UGT1A10: variants seen among roughly 807,000 people sequenced by gnomAD.
UGT1A10 encodes UDP-glucuronosyltransferase 1A10.
Under a neutral mutation model 45.8 loss-of-function variants are expected in UGT1A10, and 49 were observed. The ratio of observed to expected loss-of-function variants is 1.07; its 90% CI spans 0.85 to 1.36. The LOEUF is 1.36. Among genes scored for constraint, UGT1A10 ranks in the 40% most tolerant of loss-of-function variants. The probability of loss-of-function intolerance (pLI) is 0.00; values close to 1 mark genes in which losing one functional copy is unlikely to be tolerated. For synonymous variants in UGT1A10, 284 were observed against 249.7 expected (o/e 1.14, Z -1.29); for missense variants, 745 against 668.6 (o/e 1.11, Z -1.26).
chr2:233,703,933 C>T (rs954391531), intron 1 of UGT1A10, among the ~76,000 whole-genome samples: 4 of 151,854 alleles, frequency 2.6e-5, no homozygotes, highest in Non-Finnish European at 5.9e-5. Context: ...TTCTGTTACC[C>T]AGACTGGAGT....
At chr2:233,660,164 G>A (rs2073936186) in intron 1 of UGT1A10, among the ~76,000 whole-genome samples, 1 of 152,156 alleles carries the variant, frequency 6.6e-6, no homozygotes, top group Non-Finnish European at 1.5e-5. Context: ...GGGCTTGATG[G>A]CTTTCACAGC....
chr2:233,677,964 A>G (rs897536316), intron 1 of UGT1A10, among the ~76,000 whole-genome samples: 1 of 152,240 alleles, frequency 6.6e-6, no homozygotes, highest in African/African-American at 2.4e-5. Flanking sequence ...TGTGGAACAC[A>G]TACTCCATGG....
intron 1 of UGT1A10, among the ~76,000 whole-genome samples, chr2:233,735,916 G>T (rs182665210): frequency 5.9e-5 from 9 of 152,142 alleles, no homozygotes; most frequent in Admixed American, 5.9e-4. Context: ...TGGGTAACCC[G>T]ACCTTTCTCT....
chr2:233,729,914 T>C (rs774517230), intron 1 of UGT1A10: 73 of 1,613,908 alleles, frequency 4.5e-5, no homozygotes, highest in Non-Finnish European at 5.8e-5. Context: ...GACTTTGTGA[T>C]GGACTACCCC....
At chr2:233,752,606 A>T (rs1695016071) in intron 1 of UGT1A10, 1 of 152,194 alleles carries the variant, frequency 6.6e-6, no homozygotes, top group African/African-American at 2.4e-5. Context: ...TTTTTAAAAA[A>T]ACATTAGCTA....
At position 233,637,252 on chromosome 2, in the gene UGT1A10, C is replaced by A. The variant is rs28969685; in HGVS notation, c.730C>A (p.Leu244Ile). 2.1e-3 allele frequency: 3,366 copies of A among 1,613,958 alleles called. 78 individuals are homozygous for A. In the African/African-American group the frequency reaches 0.041, roughly 19 times the overall value. The change falls in exon 1 of 5, where the codon CTC becomes ATC. Residue 244 changes from leucine (L) to isoleucine (I), a missense_variant. Transcript: ENST00000344644. ...CCAAACCCCTGTCACGGCATATGATCTCTACAGTCACACATCAATTTGGTT... is the reference window on the plus strand; with the variant it reads ...CCAAACCCCTGTCACGGCATATGATATCTACAGTCACACATCAATTTGGTT... Reference protein sequence around the residue: ...ILQTPVTAYDLYSHTSIWLLR... With the variant: ...ILQTPVTAYDIYSHTSIWLLR...
chr2:233,637,282 C>A lies in UGT1A10; in HGVS notation c.760C>A (p.Arg254=), dbSNP rs61748821. The A allele has an allele frequency of 6.2e-7, 1 of 1,613,936 alleles. No individual in the cohort carries two copies. Among genetic ancestry groups the A allele is most frequent in the Non-Finnish European group, 8.5e-7 (1 of 1,179,862 alleles). Residue 254 remains arginine (R), a synonymous_variant, in exon 1 of 5, where the codon CGA becomes AGA. Transcript: ENST00000344644. ...CAGTCACACATCAATTTGGTTGTTG[C>A]GAACGGACTTTGTTTTGGACTATCC... ...LYSHTSIWLL[R]TDFVLDYPKP...
Position 233,671,948 on chromosome 2 carries a change from G to A in UGT1A10, c.855+34571G>A, listed in dbSNP as rs757109051. 4.3e-6 allele frequency: 7 copies of A among 1,612,378 alleles called. No individual in the cohort carries two copies. In the African/African-American group the frequency reaches 8.0e-5, roughly 18 times the overall value. On this transcript the variant is annotated intron_variant, in intron 1 of 4. Transcript: ENST00000344644. Reference sequence around the variant, plus strand: ...TGCAGTTCTCTGATGGCTTGCACAGGGTGGACCAGCCCCCTTCCTCTATGT... The same window carrying A: ...TGCAGTTCTCTGATGGCTTGCACAGAGTGGACCAGCCCCCTTCCTCTATGT...
chr2:233,759,584 C>G (rs1003659930), intron 1 of UGT1A10, among the ~76,000 whole-genome samples: 4 of 149,800 alleles, frequency 2.7e-5, no homozygotes, highest in African/African-American at 9.9e-5. Flanking sequence ...TACCCCAGCA[C>G]GCCCCCCACC....
At chr2:233,650,978 T>G (rs558834031) in intron 1 of UGT1A10, among the ~76,000 whole-genome samples, 1 of 152,226 alleles carries the variant, frequency 6.6e-6, no homozygotes, top group Non-Finnish European at 1.5e-5. Flanking sequence ...CACAGTTGTA[T>G]GTCTCACACA....
At chr2:233,713,794 C>T (rs772145580) in intron 1 of UGT1A10, 12 of 1,613,912 alleles carry the variant, frequency 7.4e-6, no homozygotes, top group East Asian at 2.2e-5. Flanking sequence ...TACCCCAGGC[C>T]GATCATGCCC....
Position 233,769,613 on chromosome 2 carries a change from C to A in UGT1A10, c.1295+1174C>A. 6 of 1,612,708 alleles carry A rather than the reference C, an allele frequency of 3.7e-6. No individual in the cohort carries two copies. Among genetic ancestry groups the A allele is most frequent in the Non-Finnish European group, 5.1e-6 (6 of 1,179,824 alleles). Reference sequence around the variant, plus strand: ...GAGACGGAACACGGGGACACACCAGCTTGAGCAAGGGACAACAGGGGAGGA... The same window carrying A: ...GAGACGGAACACGGGGACACACCAGATTGAGCAAGGGACAACAGGGGAGGA... On this transcript the variant is annotated intron_variant, in intron 4 of 4. Transcript: ENST00000344644. The surrounding 1 kb of genome is among the most constrained non-coding windows in gnomAD (Gnocchi z 4.4).
At chr2:233,671,913 T>C (rs368891366) in intron 1 of UGT1A10, 2 of 1,584,646 alleles carry the variant, frequency 1.3e-6, no homozygotes, top group Non-Finnish European at 1.7e-6. Flanking sequence ...CCCAGCTGCT[T>C]GCTCTCAGCT....
At chr2:233,669,363 G>A (rs2074136409) in intron 1 of UGT1A10, among the ~76,000 whole-genome samples, 1 of 152,056 alleles carries the variant, frequency 6.6e-6, no homozygotes, top group East Asian at 1.9e-4. Context: ...TAGCCTGCTG[G>A]AATTTAGATT....
At chr2:233,725,976 G>T (rs553044783) in intron 1 of UGT1A10, among the ~76,000 whole-genome samples, 1 of 152,162 alleles carries the variant, frequency 6.6e-6, no homozygotes, top group Non-Finnish European at 1.5e-5. Flanking sequence ...GAGCAGCCTG[G>T]GAAACGTGCT....
chr2:233,761,293 G>A, intron 1 of UGT1A10: 1 of 1,522,614 alleles, frequency 6.6e-7, no homozygotes, highest in African/African-American at 1.4e-5. Context: ...TTGACTCCTA[G>A]GTTTGAGTCT....
intron 1 of UGT1A10, among the ~76,000 whole-genome samples, chr2:233,715,527 T>C (rs2076455988): frequency 6.6e-6 from 1 of 152,142 alleles, no homozygotes; most frequent in Admixed American, 6.5e-5. Flanking sequence ...ATTTCAGCCC[T>C]TTGGGAGACC....
intron 1 of UGT1A10, among the ~76,000 whole-genome samples, chr2:233,740,002 A>AAGTG (rs1284523350): frequency 6.6e-6 from 1 of 151,788 alleles, no homozygotes; most frequent in Admixed American, 6.5e-5. Context: ...TTGTCATACT[A>AAGTG]AGTGAGTTCT....
In UGT1A10 at chr2:233,772,937, T is replaced by C; in HGVS notation, c.*378T>C. 1 of 341,386 alleles carries C rather than the reference T, an allele frequency of 2.9e-6. No homozygotes were observed. The highest frequency in any genetic ancestry group is 5.4e-6 in the Non-Finnish European group (1 of 186,324). 21.1% of individuals were successfully genotyped at this position (341,386 alleles called of 1,614,324 possible). A position where few individuals can be genotyped will look rare whatever the true frequency, so the allele number is the denominator to read the frequency against. ...CAAATGGCAGTTTTAATCTTATCTT[T>C]TGGCTTCTGCAGATGGTTGCAATTG... On this transcript the variant is annotated 3_prime_UTR_variant, in exon 5 of 5. Coordinates refer to ENST00000344644, the MANE Select transcript of UGT1A10 (RefSeq NM_019075.4).
Sources: allele counts gnomAD v4.1 joint callset (sites outside exome capture counted in the v4.1 genomes callset), GRCh38; gene constraint gnomAD v4.1.1; non-coding constraint Gnocchi (gnomAD v3.1); transcripts MANE v1.5; gene names NCBI Gene and HGNC (gene_info 2026-07-23, HGNC 2026-07-21).